Variants in RASGRF1 observed in about 807,000 individuals in gnomAD.
RASGRF1 encodes Ras protein specific guanine nucleotide releasing factor 1.
Under a neutral mutation model 138.7 loss-of-function variants are expected in RASGRF1, and 40 were observed. That is an observed-to-expected ratio of 0.29 (90% CI 0.22 to 0.38). The LOEUF (loss-of-function observed/expected upper bound fraction) is 0.38, where lower values mean the gene tolerates loss of function less well. RASGRF1 is among the 10% of genes least tolerant of loss of function. The pLI is 1.00. For synonymous variants in RASGRF1, 614 were observed against 663.2 expected, an observed-to-expected ratio of 0.93 and a Z score of 1.14; for missense variants, 1,108 against 1,650.4, an observed-to-expected ratio of 0.67 and a Z score of 5.69.
At chr15:79,042,992 C>T (rs533110890) in intron 5 of RASGRF1, among the ~76,000 whole-genome samples, 4 of 152,298 alleles carry the variant, frequency 2.6e-5, no homozygotes, top group Admixed American at 1.3e-4. Context: ...CAGTCATGTT[C>T]CAGCTCTTCC....
At chr15:79,052,034 C>T (rs183667034) in intron 3 of RASGRF1, among the ~76,000 whole-genome samples, 2 of 152,280 alleles carry the variant, frequency 1.3e-5, no homozygotes, top group Admixed American at 6.5e-5. Context: ...ACTTAGTTGA[C>T]CCTCGTGAAT....
chr15:79,012,535 G>T (rs770781468), intron 13 of RASGRF1: 1 of 1,614,078 alleles, frequency 6.2e-7, no homozygotes, highest in Admixed American at 1.7e-5. Flanking sequence ...CTCCTGTGAA[G>T]AAAACCAGGC....
At chr15:79,049,328 G>A (rs529400545) in intron 4 of RASGRF1, among the ~76,000 whole-genome samples, 168 bp downstream of exon 4, 117 of 152,142 alleles carry the variant, frequency 7.7e-4, no homozygotes, top group African/African-American at 2.8e-3. Context: ...GACTTGACAG[G>A]GTACCCTTCA....
chr15:79,052,120 G>A (rs1361459378), intron 3 of RASGRF1, among the ~76,000 whole-genome samples: 1 of 152,086 alleles, frequency 6.6e-6, no homozygotes, highest in Admixed American at 6.6e-5. Flanking sequence ...CTCCATGCCT[G>A]GTGTCTTGGC....
At chr15:79,062,272 G>T (rs1046455362) in intron 2 of RASGRF1, among the ~76,000 whole-genome samples, 1 of 152,148 alleles carries the variant, frequency 6.6e-6, no homozygotes, top group Non-Finnish European at 1.5e-5. Flanking sequence ...ACTGGCTCTT[G>T]GTTCTACTTT....
chr15:79,080,191 T>G lies in RASGRF1; in HGVS notation c.276+10032A>C, dbSNP rs2057896550. Among the ~76,000 whole-genome samples, 3 of 152,242 alleles carry G rather than the reference T, an allele frequency of 2.0e-5. No individual in the cohort carries two copies. The South Asian group carries it at 6.2e-4, about 31-fold the overall frequency. On this transcript the variant is annotated intron_variant, in intron 1 of 26. Transcript: ENST00000558480. ...GCTACCAGGAAACTCTAAGATGTAATTACTTGCTTCTCCTCACTGGTGCCC... is the reference window on the plus strand; with the variant it reads ...GCTACCAGGAAACTCTAAGATGTAAGTACTTGCTTCTCCTCACTGGTGCCC...
chr15:78,975,461 C>G (rs997736964), intron 24 of RASGRF1, among the ~76,000 whole-genome samples: 1 of 149,718 alleles, frequency 6.7e-6, no homozygotes, highest in Non-Finnish European at 1.5e-5. Flanking sequence ...CCTTCCATCC[C>G]TTCCAGTCCA....
intron 4 of RASGRF1, among the ~76,000 whole-genome samples, chr15:79,048,929 A>G (rs1283619671): frequency 6.6e-6 from 1 of 152,226 alleles, no homozygotes; most frequent in African/African-American, 2.4e-5. Context: ...ACACCACCAC[A>G]GGGTGGCCCA....
At chr15:78,997,732 G>A (rs1356882991) in intron 19 of RASGRF1, among the ~76,000 whole-genome samples, 4 of 47,384 alleles carry the variant, frequency 8.4e-5, no homozygotes, top group East Asian at 6.4e-4. Context: ...GCGAGACTTC[G>A]CCTCAAAAAA....
intron 14 of RASGRF1, chr15:79,005,081 A>T: frequency 1.0e-6 from 1 of 985,454 alleles, no homozygotes; most frequent in South Asian, 4.7e-5. Context: ...GGGTAAATCC[A>T]TCCTGGATGG....
chr15:78,997,972 T>G, intron 19 of RASGRF1, 124 bp downstream of exon 19: 1 of 769,610 alleles, frequency 1.3e-6, no homozygotes, highest in Non-Finnish European at 2.2e-6. Flanking sequence ...CACTCCTACT[T>G]GGGGCTGTCC....
chr15:79,057,163 G>A, intron 3 of RASGRF1, among the ~76,000 whole-genome samples: 1 of 152,284 alleles, frequency 6.6e-6, no homozygotes, highest in South Asian at 2.1e-4. Context: ...CTGGGCATAG[G>A]TGCAGGCTGG....
chr15:79,074,916 T>A (rs1480531369), intron 1 of RASGRF1, among the ~76,000 whole-genome samples: 1 of 152,176 alleles, frequency 6.6e-6, no homozygotes, highest in African/African-American at 2.4e-5. Context: ...ATGGATAACC[T>A]GATTTGAGAT....
rs147869279 is a variant in RASGRF1 at position 78,991,786 on chromosome 15, G to A, written c.3036C>T (p.Gly1012=). 462 of 1,611,994 alleles carry A rather than the reference G, an allele frequency of 2.9e-4. 2 individuals are homozygous for A. In the African/African-American group the frequency reaches 5.3e-3, roughly 18 times the overall value. ...GGTTTTCAAAGGGCTCAGCCTTCAC[G>A]CCTTCAGCCTGGTTTTGAGTTGGGG... ...TLEEITQMAE[G]VKAEPFENHS... The change falls in exon 21 of 27, where the codon GGC becomes GGT. Residue 1012 remains glycine (G), a synonymous_variant. Transcript: ENST00000558480.
intron 1 of RASGRF1, among the ~76,000 whole-genome samples, chr15:79,079,177 C>T (rs988589776): frequency 9.2e-5 from 14 of 152,320 alleles, no homozygotes; most frequent in African/African-American, 2.6e-4. Flanking sequence ...ACAGATGAAA[C>T]GGGTCCTGGT....
chr15:79,039,066 G>T (rs1346659628), intron 5 of RASGRF1, among the ~76,000 whole-genome samples: 1 of 151,904 alleles, frequency 6.6e-6, no homozygotes, highest in Non-Finnish European at 1.5e-5. Context: ...CGCCTGTAAT[G>T]TCAGCACTTT....
intron 3 of RASGRF1, among the ~76,000 whole-genome samples, chr15:79,057,402 C>A (rs2057525423): frequency 6.6e-6 from 1 of 152,272 alleles, no homozygotes; most frequent in South Asian, 2.1e-4. Flanking sequence ...AGGAGAATGA[C>A]TTCCCTGGCC....
chr15:79,065,235 G>C (rs986065513), intron 1 of RASGRF1, among the ~76,000 whole-genome samples: 1 of 152,222 alleles, frequency 6.6e-6, no homozygotes, highest in African/African-American at 2.4e-5. Context: ...GGGCTGTGGG[G>C]GCACAGAGAA....
chr15:79,027,965 G>A lies in RASGRF1; in HGVS notation c.1263-106C>T. The A allele has an allele frequency of 8.8e-7, 1 of 1,133,076 alleles. No homozygotes were observed. The highest frequency in any genetic ancestry group is 1.3e-6 in the Non-Finnish European group (1 of 764,386). 70.2% of individuals were successfully genotyped at this position (1,133,076 alleles called of 1,614,324 possible). A position where few individuals can be genotyped will look rare whatever the true frequency, so the allele number is the denominator to read the frequency against. ...GACCTAGGAAGAAAGCCTGGCACAA[G>A]GATTCTCAGGTGGAGTCTGTGGTCA... On this transcript the variant is annotated intron_variant, in intron 8 of 26. Coordinates refer to ENST00000558480, the MANE Select transcript of RASGRF1 (RefSeq NM_001145648.3). The surrounding 1 kb of genome is among the most constrained non-coding windows in gnomAD (Gnocchi z 4.8).
Sources: gnomAD v4.1 joint callset for allele counts (sites outside exome capture counted in the v4.1 genomes callset) on GRCh38, gnomAD v4.1.1 for gene constraint, Gnocchi (gnomAD v3.1) non-coding constraint, MANE v1.5 for transcripts, NCBI Gene and HGNC (gene_info 2026-07-23, HGNC 2026-07-21) for gene names.